SIGLEC7: variants seen among roughly 807,000 people sequenced by gnomAD.
SIGLEC7 encodes the protein sialic acid-binding Ig-like lectin 7.
A neutral mutation model predicts 40.8 loss-of-function variants in SIGLEC7; 33 were observed. That is an observed-to-expected ratio of 0.81 (90% CI 0.61 to 1.08). SIGLEC7 has a LOEUF of 1.08. Among genes scored for constraint, SIGLEC7 ranks in the 50% least tolerant of loss-of-function variants. SIGLEC7 has a pLI of 0.00. For synonymous variants in SIGLEC7, 242 were observed against 237.6 expected (o/e 1.02, Z -0.17); for missense variants, 513 against 576.1 (o/e 0.89, Z 1.12).
At chr19:51,151,972 G>A (rs2092146581) in intron 6 of SIGLEC7, among the ~76,000 whole-genome samples, 1 of 152,202 alleles carries the variant, frequency 6.6e-6, no homozygotes, top group African/African-American at 2.4e-5. Context: ...GTGTGAGTCT[G>A]TATTAGTTTC....
In SIGLEC7 at chr19:51,147,153, C is replaced by A. The variant is rs547449223; in HGVS notation, c.1125-68C>A. The A allele has an allele frequency of 1.7e-5, 27 of 1,604,180 alleles. No homozygotes were observed. The East Asian group carries it at 5.8e-4, about 35-fold the overall frequency. ...CAGCGCCCCAACAGGAAATACAGGG[C>A]AGGGGTTGGTCTGCCCACTGCACCC... On this transcript the variant is annotated intron_variant, in intron 5 of 6. Transcript: ENST00000317643.
Position 51,147,275 on chromosome 19 carries a change from A to C in SIGLEC7, c.1179A>C (p.Ile393=), listed in dbSNP as rs758580958. ...GGCCAGCAGCGGACGTGGGAGACAT[A>C]GGCATGAAGGATGCAAACACCATCA... ...SARPAADVGD[I]GMKDANTIRG... The change falls in exon 6 of 7, where the codon ATA becomes ATC. Residue 393 remains isoleucine (I), a synonymous_variant. Transcript: ENST00000317643. 6.2e-7 allele frequency: 1 copy of C among 1,612,360 alleles called. No individual in the cohort carries two copies. Among genetic ancestry groups the C allele is most frequent in the South Asian group, 1.1e-5 (1 of 91,060 alleles).
At position 51,142,808 on chromosome 19, in the gene SIGLEC7, G is replaced by T; in HGVS notation, c.433+6G>T. The T allele has an allele frequency of 1.3e-6, 2 of 1,580,164 alleles. No individual in the cohort carries two copies. The highest frequency in any genetic ancestry group is 1.7e-6 in the Non-Finnish European group (2 of 1,162,060). On this transcript the variant is annotated splice_donor_region_variant and intron_variant, in intron 1 of 6. Transcript: ENST00000317643. The surrounding 1 kb of genome is among the most constrained non-coding windows in gnomAD (Gnocchi z 5.0). ...GCTCTCTGTGAACGTGACAGGTAAG[G>T]CACGGGCTCCAAGAGAGGCCAAAGG...
chr19:51,146,663 G>C, intron 4 of SIGLEC7, 91 bp from the exon 5 acceptor site: 1 of 1,095,478 alleles, frequency 9.1e-7, no homozygotes, highest in Non-Finnish European at 1.4e-6. Context: ...GGGGATTAGG[G>C]TACCCAAGTT....
At chr19:51,143,476 T>C (rs1415001242) in intron 1 of SIGLEC7, among the ~76,000 whole-genome samples, 2 of 152,156 alleles carry the variant, frequency 1.3e-5, no homozygotes, top group African/African-American at 4.8e-5. Context: ...CAGGCCCTGG[T>C]GCTCCAGGGA....
chr19:51,148,032 G>A (rs1209280638), intron 6 of SIGLEC7, among the ~76,000 whole-genome samples: 1 of 152,106 alleles, frequency 6.6e-6, no homozygotes, highest in African/African-American at 2.4e-5. Context: ...TAGAGAAAAA[G>A]CCCAAACTTC....
Position 51,142,909 on chromosome 19 carries a change from A to G in SIGLEC7, c.433+107A>G. The G allele has an allele frequency of 8.1e-7, 1 of 1,234,334 alleles. No individual in the cohort carries two copies. The highest frequency in any genetic ancestry group is 1.1e-6 in the Non-Finnish European group (1 of 880,108). The allele number at this position is 1,234,334 out of a possible 1,614,324, so 76.5% of individuals were successfully genotyped here. On this transcript the variant is annotated intron_variant, in intron 1 of 6. Transcript: ENST00000317643. The surrounding 1 kb of genome is among the most constrained non-coding windows in gnomAD (Gnocchi z 5.0). ...GGAGGGGGCCGGGGGTGATGGACTCAGGAGAGGAGCTGGACCAGAGCCTGA... is the reference window on the plus strand; with the variant it reads ...GGAGGGGGCCGGGGGTGATGGACTCGGGAGAGGAGCTGGACCAGAGCCTGA...
Position 51,153,291 on chromosome 19 carries a change from A to C in SIGLEC7, c.*46A>C. The C allele has an allele frequency of 7.1e-7, 1 of 1,416,044 alleles. No homozygotes were observed. The highest frequency in any genetic ancestry group is 1.6e-5 in the South Asian group (1 of 62,184). The allele number at this position is 1,416,044 out of a possible 1,614,324, so 87.7% of individuals were successfully genotyped here. A position where few individuals can be genotyped will look rare whatever the true frequency, so the allele number is the denominator to read the frequency against. ...TTGTTTGAGGGTTCACGACCCCTCCAGCAAAGGAGTCTGAGGCTGATTCCA... is the reference window on the plus strand; with the variant it reads ...TTGTTTGAGGGTTCACGACCCCTCCCGCAAAGGAGTCTGAGGCTGATTCCA... On this transcript the variant is annotated 3_prime_UTR_variant, in exon 7 of 7. Transcript: ENST00000317643.
In SIGLEC7 at chr19:51,146,009, ACTGGAGCTG is replaced by A; in HGVS notation, c.917_925del (p.Leu306_Leu308del). 6.2e-7 allele frequency: 1 copy of A among 1,614,204 alleles called. No homozygotes were observed. Among genetic ancestry groups the A allele is most frequent in the South Asian group, 1.1e-5 (1 of 91,082 alleles). On this transcript the variant is annotated inframe_deletion, in exon 4 of 7. Coordinates refer to ENST00000317643, the MANE Select transcript of SIGLEC7 (RefSeq NM_014385.4). ...CCTCACAGCCCTCAAACCCTCTGGT[ACTGGAGCTG>A]CAAGTGCACCTGGGGGATGAAGGGG...
At chr19:51,144,154 A>G (rs2092089511) in intron 1 of SIGLEC7, 1 of 735,514 alleles carries the variant, frequency 1.4e-6, no homozygotes, top group African/African-American at 1.7e-5. Flanking sequence ...TGGAGAGAGG[A>G]CAGATAAGAT....
At position 51,147,221 on chromosome 19, in the gene SIGLEC7, A is replaced by T; in HGVS notation, c.1125A>T (p.Val375=). ...AAGGCTCTCTGGTCTCTTCACTCAG[A>T]GTGAGGTCCTGCAGGAAGAAATCGG... ...VFLSFCVIFI[V]VRSCRKKSAR... Residue 375 remains valine, a splice_region_variant and synonymous_variant, in exon 6 of 7, where the codon GTA becomes GTT. Coordinates refer to ENST00000317643, the MANE Select transcript of SIGLEC7 (RefSeq NM_014385.4). 1 of 1,612,204 alleles carries T rather than the reference A, an allele frequency of 6.2e-7. No homozygotes were observed. The highest frequency in any genetic ancestry group is 1.1e-5 in the South Asian group (1 of 91,048).
Position 51,145,797 on chromosome 19 carries a change from T to A in SIGLEC7, c.761-58T>A. On this transcript the variant is annotated intron_variant, in intron 3 of 6. Coordinates refer to ENST00000317643, the MANE Select transcript of SIGLEC7 (RefSeq NM_014385.4). This position sits in a 1 kb window ranked among gnomAD's most constrained non-coding sequence, Gnocchi z 4.3. Reference sequence around the variant, plus strand: ...TTCCATTCCCCAGTCTCATTCTGTATCCTTCCTCCCTGTTTCAATCACTTT... The same window carrying A: ...TTCCATTCCCCAGTCTCATTCTGTAACCTTCCTCCCTGTTTCAATCACTTT... 2 of 1,591,178 alleles carry A rather than the reference T, an allele frequency of 1.3e-6. No individual in the cohort carries two copies. Among genetic ancestry groups the A allele is most frequent in the African/African-American group, 1.3e-5 (1 of 74,550 alleles).
intron 1 of SIGLEC7, among the ~76,000 whole-genome samples, chr19:51,143,339 T>A (rs1345281897): frequency 6.6e-6 from 1 of 151,988 alleles, no homozygotes; most frequent in Non-Finnish European, 1.5e-5. Flanking sequence ...ACAGGGAGAC[T>A]CAGCACACGG....
Position 51,153,060 on chromosome 19 carries a change from C to A in SIGLEC7, c.1222-3C>A. On this transcript the variant is annotated splice_region_variant and splice_polypyrimidine_tract_variant and intron_variant, in intron 6 of 6. Transcript: ENST00000317643. ...TCTGACTCTCTTCTCTCTCTCCATT[C>A]AGGGTAACCTGACTGAGTCCTGGGC... 1 of 1,542,394 alleles carries A rather than the reference C, an allele frequency of 6.5e-7. No individual in the cohort carries two copies.
At chr19:51,144,142 G>A (rs2092089453) in intron 1 of SIGLEC7, 1 of 725,676 alleles carries the variant, frequency 1.4e-6, no homozygotes, top group African/African-American at 1.7e-5. Flanking sequence ...ACTACTTCCA[G>A]GTGGAGAGAG....
chr19:51,152,181 T>G (rs926109023), intron 6 of SIGLEC7, among the ~76,000 whole-genome samples: 2 of 152,148 alleles, frequency 1.3e-5, no homozygotes, highest in Non-Finnish European at 2.9e-5. Context: ...GCACCTGCAT[T>G]CCTTGGCTCA....
chr19:51,145,809 GT>G lies in SIGLEC7; in HGVS notation c.761-43del, dbSNP rs1293353507. On this transcript the variant is annotated intron_variant, in intron 3 of 6. Transcript: ENST00000317643. The surrounding 1 kb of genome is among the most constrained non-coding windows in gnomAD (Gnocchi z 4.3). ...GTCTCATTCTGTATCCTTCCTCCCT[GT>G]TTCAATCACTTTGTCTCTTTGAACC... 7 of 1,607,684 alleles carry G rather than the reference GT, an allele frequency of 4.4e-6. No homozygotes were observed. Among genetic ancestry groups the G allele is most frequent in the Non-Finnish European group, 6.0e-6 (7 of 1,175,832 alleles).
intron 5 of SIGLEC7, 138 bp downstream of exon 5, chr19:51,146,988 A>C: frequency 9.7e-7 from 1 of 1,029,546 alleles, no homozygotes; most frequent in Non-Finnish European, 1.4e-6. Context: ...GCGTGGCAAG[A>C]ATTTCAAGAG....
Position 51,147,232 on chromosome 19 carries a change from G to A in SIGLEC7, c.1136G>A (p.Cys379Tyr), listed in dbSNP as rs1481502938. The A allele has an allele frequency of 1.2e-6, 2 of 1,612,360 alleles. No individual in the cohort carries two copies. The highest frequency in any genetic ancestry group is 4.5e-5 in the East Asian group (2 of 44,812). ...GTCTCTTCACTCAGAGTGAGGTCCT[G>A]CAGGAAGAAATCGGCAAGGCCAGCA... Reference protein sequence around the residue: ...FCVIFIVVRSCRKKSARPAAD... With the variant: ...FCVIFIVVRSYRKKSARPAAD... The change falls in exon 6 of 7, where the codon TGC (cysteine) becomes TAC (tyrosine). Residue 379 changes from cysteine (C) to tyrosine (Y), a missense_variant. Transcript: ENST00000317643.
Sources: gnomAD v4.1 joint callset for allele counts (sites outside exome capture counted in the v4.1 genomes callset) on GRCh38, gnomAD v4.1.1 for gene constraint, Gnocchi (gnomAD v3.1) non-coding constraint, MANE v1.5 for transcripts, NCBI Gene and HGNC (gene_info 2026-07-23, HGNC 2026-07-21) for gene names.